Variants in PTPRD observed in about 807,000 individuals in gnomAD.
The protein encoded by PTPRD is protein tyrosine phosphatase receptor type D, also known as receptor-type tyrosine-protein phosphatase delta.
In PTPRD, 34 loss-of-function variants were observed where a neutral mutation model predicts 214.5. The ratio of observed to expected loss-of-function variants is 0.16; its 90% CI spans 0.12 to 0.21. The LOEUF is 0.21. PTPRD is among the 10% of genes least tolerant of loss of function. The pLI, the probability that PTPRD is intolerant of heterozygous loss-of-function variation, is 1.00. For synonymous variants in PTPRD, 1,128 were observed against 845.7 expected, an observed-to-expected ratio of 1.33 and a Z score of -5.79; for missense variants, 2,545 against 2,398.7, an observed-to-expected ratio of 1.06 and a Z score of -1.27.
At chr9:9,413,929 T>C (rs987632640) in intron 8 of PTPRD, among the ~76,000 whole-genome samples, 4 of 152,222 alleles carry the variant, frequency 2.6e-5, no homozygotes, top group Non-Finnish European at 5.9e-5. Flanking sequence ...AATTTTGGAC[T>C]TTAGGGAATG....
At chr9:9,484,197 A>G (rs1439919024) in intron 8 of PTPRD, among the ~76,000 whole-genome samples, 2 of 150,192 alleles carry the variant, frequency 1.3e-5, no homozygotes, top group Non-Finnish European at 3.0e-5. Context: ...TATATAATAG[A>G]ATACTATACA....
At chr9:9,252,000 T>A (rs2099975658) in intron 9 of PTPRD, among the ~76,000 whole-genome samples, 1 of 152,088 alleles carries the variant, frequency 6.6e-6, no homozygotes, top group East Asian at 1.9e-4. Flanking sequence ...ATACAATGCT[T>A]GCTATCCTCT....
chr9:9,176,444 C>G (rs2099924921), intron 10 of PTPRD, among the ~76,000 whole-genome samples: 1 of 151,990 alleles, frequency 6.6e-6, no homozygotes, highest in African/African-American at 2.4e-5. Context: ...TCCTTTTTGT[C>G]CATTTATTAG....
In PTPRD at chr9:8,460,614, T is replaced by G. The variant is rs2096370737; in HGVS notation, c.3715-43A>C. On this transcript the variant is annotated intron_variant, in intron 32 of 45. Coordinates refer to ENST00000381196, the MANE Select transcript of PTPRD (RefSeq NM_002839.4). ...CTATTTCAGTTATAAAATAATGACTTTCTAGATAAGTACCTTTAACATTAG... is the reference window on the plus strand; with the variant it reads ...CTATTTCAGTTATAAAATAATGACTGTCTAGATAAGTACCTTTAACATTAG... 2.5e-6 allele frequency: 4 copies of G among 1,585,280 alleles called. No individual in the cohort carries two copies. The East Asian group carries it at 9.0e-5, about 36-fold the overall frequency.
At chr9:8,440,847 G>A (rs762307708) in intron 34 of PTPRD, among the ~76,000 whole-genome samples, 1 of 152,134 alleles carries the variant, frequency 6.6e-6, no homozygotes, top group African/African-American at 2.4e-5. Context: ...TTTAACCTGA[G>A]AGGCACCTTA....
chr9:9,732,970 G>A (rs1335253549), intron 7 of PTPRD, among the ~76,000 whole-genome samples: 1 of 151,880 alleles, frequency 6.6e-6, no homozygotes, highest in Non-Finnish European at 1.5e-5. Flanking sequence ...TCATATTTAT[G>A]GTTAAATATG....
At chr9:9,866,069 G>A (rs577759449) in intron 5 of PTPRD, among the ~76,000 whole-genome samples, 1 of 152,124 alleles carries the variant, frequency 6.6e-6, no homozygotes, top group African/African-American at 2.4e-5. Flanking sequence ...TATAAACACG[G>A]TTATGTGCCT....
intron 3 of PTPRD, among the ~76,000 whole-genome samples, chr9:10,040,463 C>T (rs1185498136): frequency 2.6e-5 from 4 of 152,138 alleles, no homozygotes; most frequent in Admixed American, 1.3e-4. Flanking sequence ...ACCTAATTGC[C>T]ACTACCCTGA....
At chr9:8,785,053 G>C (rs770733033) in intron 11 of PTPRD, among the ~76,000 whole-genome samples, 1 of 152,026 alleles carries the variant, frequency 6.6e-6, no homozygotes, top group African/African-American at 2.4e-5. Context: ...TAATAAAAGA[G>C]AAAACCCTTG....
intron 5 of PTPRD, among the ~76,000 whole-genome samples, chr9:9,900,062 T>A (rs1191527265): frequency 6.6e-6 from 1 of 152,266 alleles, no homozygotes; most frequent in East Asian, 1.9e-4. Flanking sequence ...ATATTCTGTG[T>A]TCATGGAGTG....
At chr9:9,535,949 A>T (rs2076436079) in intron 8 of PTPRD, among the ~76,000 whole-genome samples, 1 of 152,044 alleles carries the variant, frequency 6.6e-6, no homozygotes, top group Non-Finnish European at 1.5e-5. Context: ...ATGCTTGTTT[A>T]ACTACTCCTA....
chr9:8,973,751 A>C (rs2099252592), intron 11 of PTPRD, among the ~76,000 whole-genome samples: 2 of 151,898 alleles, frequency 1.3e-5, no homozygotes, highest in African/African-American at 4.8e-5. Flanking sequence ...TTTAATAATC[A>C]CCATTCTGAG....
intron 5 of PTPRD, among the ~76,000 whole-genome samples, chr9:9,869,248 G>C (rs767115446): frequency 6.6e-6 from 1 of 152,126 alleles, no homozygotes; most frequent in Non-Finnish European, 1.5e-5. Flanking sequence ...GCTGACAAAG[G>C]AAAGTCTTCT....
intron 12 of PTPRD, among the ~76,000 whole-genome samples, chr9:8,655,655 G>C (rs1190394808): frequency 1.3e-5 from 2 of 151,354 alleles, no homozygotes; most frequent in African/African-American, 4.9e-5. Flanking sequence ...AGAGCCCCTG[G>C]AAATGCCACA....
At chr9:10,239,906 A>G (rs1177682035) in intron 3 of PTPRD, among the ~76,000 whole-genome samples, 2 of 151,670 alleles carry the variant, frequency 1.3e-5, no homozygotes, top group Non-Finnish European at 2.9e-5. Flanking sequence ...TTTTTCCCCA[A>G]AGCCAGCTGT....
intron 10 of PTPRD, among the ~76,000 whole-genome samples, chr9:9,112,942 T>C (rs1317198400): frequency 6.6e-6 from 1 of 151,774 alleles, no homozygotes; most frequent in Non-Finnish European, 1.5e-5. Context: ...GGACAAACTT[T>C]TAGAAATCTG....
intron 7 of PTPRD, among the ~76,000 whole-genome samples, chr9:9,590,885 C>T (rs1483210654): frequency 6.6e-6 from 1 of 152,004 alleles, no homozygotes; most frequent in East Asian, 1.9e-4. Context: ...CACAGAAAGT[C>T]ATTTGCTTTG....
intron 14 of PTPRD, among the ~76,000 whole-genome samples, chr9:8,599,849 T>G (rs1485876572): frequency 6.6e-6 from 1 of 151,850 alleles, no homozygotes; most frequent in Non-Finnish European, 1.5e-5. Flanking sequence ...ATTCCCTACC[T>G]CAGATGATCC....
intron 3 of PTPRD, among the ~76,000 whole-genome samples, chr9:10,248,533 A>AAAAAAAAC (rs60272481): frequency 6.3e-5 from 8 of 127,420 alleles, no homozygotes; most frequent in African/African-American, 9.9e-5. Context: ...AAAATAAAAA[A>AAAAAAAAC]AATAAAGCGA....
Sources: allele counts gnomAD v4.1 joint callset (sites outside exome capture counted in the v4.1 genomes callset), GRCh38; gene constraint gnomAD v4.1.1; transcripts MANE v1.5; gene names NCBI Gene and HGNC (gene_info 2026-07-23, HGNC 2026-07-21).